The following ANAPC11 variants were observed in gnomAD, a reference collection of about 807,000 sequenced individuals.
The protein encoded by ANAPC11 is anaphase promoting complex subunit 11.
Under a neutral mutation model 11.8 loss-of-function variants are expected in ANAPC11, and 5 were observed. The ratio of observed to expected loss-of-function variants is 0.42; its 90% CI spans 0.22 to 0.89. The LOEUF is 0.89. ANAPC11 is among the 40% of genes least tolerant of loss of function. The pLI is 0.28. For missense variants in ANAPC11, 68 were observed against 112.9 expected (o/e 0.60, Z 1.80); for synonymous variants, 45 against 41.0 (o/e 1.10, Z -0.38).
At chr17:81,899,266 C>T (rs776800690) in intron 3 of ANAPC11, 1 of 1,612,246 alleles carries the variant, frequency 6.2e-7, no homozygotes, top group South Asian at 1.1e-5. Context: ...GAAAGCATTT[C>T]TAGGTGTTTG....
intron 3 of ANAPC11, 129 bp downstream of exon 3, chr17:81,894,715 CTTTTTTTT>C: frequency 8.3e-6 from 3 of 361,970 alleles, no homozygotes; most frequent in African/African-American, 5.1e-5. Context: ...GTTTCATTTT[CTTTTTTTT>C]TTTTTTTTTT....
rs2039663395 is a variant in ANAPC11, at chr17:81,894,453, TC to T, written c.-11-11del. ...GACTCAATTTAGCCAGTCGTCCTGT[TC>T]CCTCCGCCGCAGGCTCTGCTGCCAT... On this transcript the variant is annotated splice_polypyrimidine_tract_variant and intron_variant, in intron 2 of 3. Transcript: ENST00000344877. The T allele has an allele frequency of 6.5e-7, 1 of 1,549,516 alleles. No individual in the cohort carries two copies. The highest frequency in any genetic ancestry group is 1.4e-5 in the African/African-American group (1 of 73,416).
At chr17:81,895,735 T>A (rs1056556834) in intron 3 of ANAPC11, among the ~76,000 whole-genome samples, 4 of 152,030 alleles carry the variant, frequency 2.6e-5, no homozygotes, top group African/African-American at 9.7e-5. Context: ...TGTGGGAGGC[T>A]GAAGTGGATG....
intron 3 of ANAPC11, among the ~76,000 whole-genome samples, chr17:81,896,798 CTTTTTTTTTTTT>C (rs1156391578): frequency 7.7e-4 from 33 of 42,916 alleles, no homozygotes; most frequent in Middle Eastern, 0.025. Context: ...GCCTCCTTTG[CTTTTTTTTTTTT>C]TTTTTTTTTT....
chr17:81,899,358 G>A, intron 3 of ANAPC11: 2 of 1,613,804 alleles, frequency 1.2e-6, no homozygotes, highest in Non-Finnish European at 8.5e-7. Context: ...CCCAACGCCT[G>A]GGCAGCACAC....
At chr17:81,890,864 C>G (rs936811253), upstream of ANAPC11, 22 of 1,613,166 alleles carry the variant, frequency 1.4e-5, no homozygotes, top group Non-Finnish European at 1.9e-5. Context: ...GAGTCTCAGT[C>G]CAGGGCTTTC....
intron 3 of ANAPC11, chr17:81,899,595 C>T (rs1170676772): frequency 6.4e-7 from 1 of 1,566,586 alleles, no homozygotes; most frequent in African/African-American, 1.4e-5. Flanking sequence ...ACAGGGTGGG[C>T]TAGGCCAGAG....
At chr17:81,896,447 T>C (rs141897076) in intron 3 of ANAPC11, among the ~76,000 whole-genome samples, 254 of 151,562 alleles carry the variant, frequency 1.7e-3, no homozygotes, top group African/African-American at 5.9e-3. Flanking sequence ...AAAGTGGAAA[T>C]GTTTGATTAT....
At chr17:81,895,493 G>A (rs946731291) in intron 3 of ANAPC11, among the ~76,000 whole-genome samples, 5 of 152,240 alleles carry the variant, frequency 3.3e-5, no homozygotes, top group Non-Finnish European at 7.3e-5. Flanking sequence ...AAAGAGATTA[G>A]AGTCTGGGCG....
At chr17:81,892,679 T>C (rs2039586556) in intron 1 of ANAPC11, among the ~76,000 whole-genome samples, 1 of 150,882 alleles carries the variant, frequency 6.6e-6, no homozygotes, top group Non-Finnish European at 1.5e-5. Flanking sequence ...CGTGCCACCA[T>C]ACCTGGCTAA....
downstream of ANAPC11, chr17:81,900,513 C>T: frequency 4.5e-6 from 1 of 221,876 alleles, no homozygotes; most frequent in Non-Finnish European, 9.0e-6. Flanking sequence ...CCTGGCTGTG[C>T]AAAGCTGGCG....
At chr17:81,891,543 T>C, upstream of ANAPC11, 1 of 1,437,152 alleles carries the variant, frequency 7.0e-7, no homozygotes, top group Non-Finnish European at 9.1e-7. Flanking sequence ...CAGAGACATG[T>C]CCATTTTGTC....
At chr17:81,899,422 C>T in intron 3 of ANAPC11, 1 of 1,614,012 alleles carries the variant, frequency 6.2e-7, no homozygotes, top group East Asian at 2.2e-5. Context: ...CCCACCCCTC[C>T]TGCCCTTGAT....
At chr17:81,899,248 T>C in intron 3 of ANAPC11, 4 of 1,611,348 alleles carry the variant, frequency 2.5e-6, no homozygotes, top group Non-Finnish European at 3.4e-6. Context: ...TCAGGTCCTC[T>C]CCATGGAGAA....
At chr17:81,894,247 A>AG (rs1401942544) in intron 2 of ANAPC11, 1 of 190,556 alleles carries the variant, frequency 5.2e-6, no homozygotes, top group African/African-American at 2.8e-5. Context: ...ACTCTGTCTC[A>AG]AAAAAAAAAA....
downstream of ANAPC11, chr17:81,900,392 A>G: frequency 2.5e-6 from 1 of 397,572 alleles, no homozygotes; most frequent in Non-Finnish European, 4.6e-6. Context: ...CTGGGAGGAG[A>G]AGGAGCAGGA....
chr17:81,898,616 ACTC>A (rs1438967441), intron 3 of ANAPC11: 2 of 152,546 alleles, frequency 1.3e-5, no homozygotes, highest in Non-Finnish European at 1.5e-5. Context: ...CTAAAATTGA[ACTC>A]CTGTGAAAAA....
At chr17:81,894,715 C>CT (rs529200093) in intron 3 of ANAPC11, 129 bp downstream of exon 3, 37,843 of 357,034 alleles carry the variant, frequency 0.11, 610 homozygotes, top group African/African-American at 0.19. Context: ...GTTTCATTTT[C>CT]TTTTTTTTTT....
chr17:81,891,768 G>C lies in ANAPC11; in HGVS notation c.-148G>C, dbSNP rs879899823. Reference sequence around the variant, plus strand: ...CTCGGCGGGCGCTGTTGAGGGAGTCGGGCCGCGACTGTGGTCGTTTTTATA... The same window carrying C: ...CTCGGCGGGCGCTGTTGAGGGAGTCCGGCCGCGACTGTGGTCGTTTTTATA... On this transcript the variant is annotated 5_prime_UTR_variant, in exon 1 of 4. Transcript: ENST00000344877. 19 of 357,994 alleles carry C rather than the reference G, an allele frequency of 5.3e-5. No homozygotes were observed. Among genetic ancestry groups the C allele is most frequent in the African/African-American group, 1.1e-4 (5 of 44,628 alleles). 22.2% of individuals were successfully genotyped at this position (357,994 alleles called of 1,614,324 possible).
Sources: gnomAD v4.1 joint callset for allele counts (sites outside exome capture counted in the v4.1 genomes callset) on GRCh38, gnomAD v4.1.1 for gene constraint, MANE v1.5 for transcripts, NCBI Gene and HGNC (gene_info 2026-07-23, HGNC 2026-07-21) for gene names.